TSPAN11: variants seen among roughly 807,000 people sequenced by gnomAD.
TSPAN11 encodes tetraspanin 11, also known as tetraspanin-11.
A neutral mutation model predicts 32.9 loss-of-function variants in TSPAN11; 29 were observed. The ratio of observed to expected loss-of-function variants is 0.88; its 90% CI spans 0.66 to 1.20. TSPAN11 has a LOEUF of 1.20. TSPAN11 is among the 50% of genes most tolerant of loss of function. The probability of loss-of-function intolerance (pLI) is 0.00; values close to 1 mark genes in which losing one functional copy is unlikely to be tolerated. For missense variants in TSPAN11, 283 were observed against 329.1 expected (o/e 0.86, Z 1.08); for synonymous variants, 140 against 141.3 (o/e 0.99, Z 0.07).
intron 7 of TSPAN11, among the ~76,000 whole-genome samples, chr12:30,989,532 C>T (rs971443415): frequency 2.6e-5 from 4 of 152,064 alleles, no homozygotes; most frequent in African/African-American, 4.8e-5. Flanking sequence ...GTGTACAGAC[C>T]GGATGTTTTC....
chr12:30,985,306 T>G (rs909138689), intron 7 of TSPAN11, among the ~76,000 whole-genome samples: 7 of 152,078 alleles, frequency 4.6e-5, no homozygotes, highest in African/African-American at 1.7e-4. Context: ...TGTAAGTCAC[T>G]TGGCTCATGG....
At chr12:31,001,906 A>G in the TSPAN11 span, among the ~76,000 whole-genome samples, 2 of 152,098 alleles carry the variant, frequency 1.3e-5, no homozygotes, top group Non-Finnish European at 2.9e-5. Flanking sequence ...GTGCTAAGAG[A>G]GAGGCCGATG....
At chr12:30,939,823 G>A (rs1322139626) in intron 1 of TSPAN11, among the ~76,000 whole-genome samples, 1 of 152,222 alleles carries the variant, frequency 6.6e-6, no homozygotes, top group Non-Finnish European at 1.5e-5. Flanking sequence ...CTCCTCTAAG[G>A]AAGGGCCCGA....
intron 3 of TSPAN11, among the ~76,000 whole-genome samples, chr12:30,969,621 C>A (rs1387957766): frequency 6.6e-6 from 1 of 152,180 alleles, no homozygotes; most frequent in African/African-American, 2.4e-5. Flanking sequence ...ACCTGATCAC[C>A]ACAATCCAGC....
intron 1 of TSPAN11, among the ~76,000 whole-genome samples, chr12:30,935,786 C>G (rs1205188826): frequency 2.0e-5 from 3 of 152,176 alleles, no homozygotes; most frequent in African/African-American, 7.2e-5. Context: ...CCTCCGCTCC[C>G]CTAGCTGGGT....
At chr12:30,997,903 G>A (rs1162398201), downstream of TSPAN11, among the ~76,000 whole-genome samples, 1 of 152,172 alleles carries the variant, frequency 6.6e-6, no homozygotes, top group Non-Finnish European at 1.5e-5. Flanking sequence ...CCACTTTGCA[G>A]GGGAGCTCCA....
chr12:30,928,166 T>A, intron 1 of TSPAN11, among the ~76,000 whole-genome samples: 1 of 152,176 alleles, frequency 6.6e-6, no homozygotes. Context: ...AGTTCTTGTG[T>A]GAGTGCTGCA....
At chr12:31,001,736 C>G in the TSPAN11 span, among the ~76,000 whole-genome samples, 10 of 152,204 alleles carry the variant, frequency 6.6e-5, no homozygotes, top group African/African-American at 1.9e-4. Flanking sequence ...TGAGGGGGCT[C>G]CCAGAGTCAT....
intron 1 of TSPAN11, 111 bp from the exon 2 acceptor site, chr12:30,953,870 A>G: frequency 1.4e-6 from 1 of 710,808 alleles, no homozygotes; most frequent in Non-Finnish European, 2.4e-6. Flanking sequence ...AGCCCCCGGC[A>G]GATAGGTTAA....
intron 7 of TSPAN11, among the ~76,000 whole-genome samples, chr12:30,984,552 C>CTTTTTTTTTTT (rs55772956): frequency 2.3e-4 from 16 of 68,574 alleles, no homozygotes; most frequent in African/African-American, 5.7e-4. Context: ...TCGCTTTTTG[C>CTTTTTTTTTTT]TTTTTTTTTT....
At chr12:30,927,132 G>A (rs1045435724) in intron 1 of TSPAN11, 2 of 858,144 alleles carry the variant, frequency 2.3e-6, no homozygotes, top group East Asian at 8.4e-5. Flanking sequence ...CAGCGTGCCC[G>A]GGGCATGTCT....
intron 2 of TSPAN11, among the ~76,000 whole-genome samples, chr12:30,961,010 G>A (rs1938600976): frequency 6.9e-6 from 1 of 145,672 alleles, no homozygotes; most frequent in Admixed American, 7.0e-5. Context: ...CTGTACTCCA[G>A]ACTAGGCGAC....
chr12:30,927,054 C>T lies in TSPAN11; in HGVS notation c.-12+258C>T, dbSNP rs575834041. ...GCAACACGGTGTCCATAACTATGCG[C>T]ATGAGTCTGCCTTTCTGCACTTGTG... On this transcript the variant is annotated intron_variant, in intron 1 of 7. Transcript: ENST00000546076. 8 of 1,270,192 alleles carry T rather than the reference C, an allele frequency of 6.3e-6. No homozygotes were observed. In the East Asian group the frequency reaches 4.5e-4, roughly 71 times the overall value. 78.7% of individuals were successfully genotyped at this position (1,270,192 alleles called of 1,614,324 possible).
At chr12:30,932,070 C>T (rs925358749) in intron 1 of TSPAN11, among the ~76,000 whole-genome samples, 8 of 151,074 alleles carry the variant, frequency 5.3e-5, no homozygotes, top group Non-Finnish European at 1.0e-4. Context: ...GAGACTCAAC[C>T]AGAGCCAGAT....
chr12:30,939,541 G>A (rs758109906), intron 1 of TSPAN11, among the ~76,000 whole-genome samples: 25 of 152,154 alleles, frequency 1.6e-4, no homozygotes, highest in Non-Finnish European at 3.1e-4. Context: ...CCACATGCAC[G>A]CACTCCATCT....
rs1272082721 is a variant in TSPAN11, at chr12:30,992,514, A to G, written c.*599A>G. ...AGGAGTGGGGAGGCCTGGGTAGGGC[A>G]GCCACAGGCTGGGTAGAGCCGCCCT... is the stretch of plus-strand genomic sequence containing the variant. On this transcript the variant is annotated 3_prime_UTR_variant, in exon 8 of 8. Transcript: ENST00000546076. 1 of 158,696 alleles carries G rather than the reference A, an allele frequency of 6.3e-6. No individual in the cohort carries two copies. The highest frequency in any genetic ancestry group is 2.4e-5 in the African/African-American group (1 of 41,602). The allele number at this position is 158,696 out of a possible 1,614,324, so 9.8% of individuals were successfully genotyped here.
At chr12:31,005,123 C>T in the TSPAN11 span, among the ~76,000 whole-genome samples, 2 of 152,178 alleles carry the variant, frequency 1.3e-5, no homozygotes, top group Admixed American at 1.3e-4. Flanking sequence ...TGTATTCCCA[C>T]AGGTCCCCCA....
intron 2 of TSPAN11, among the ~76,000 whole-genome samples, chr12:30,957,485 T>C (rs979493854): frequency 1.3e-5 from 2 of 152,152 alleles, no homozygotes; most frequent in African/African-American, 4.8e-5. Flanking sequence ...CCCAATTGGT[T>C]AAATGGGCAC....
downstream of TSPAN11, among the ~76,000 whole-genome samples, chr12:30,998,558 T>G (rs987853829): frequency 6.6e-6 from 1 of 152,194 alleles, no homozygotes; most frequent in Non-Finnish European, 1.5e-5. Context: ...TGTCTGGCAG[T>G]GGCTTGAGCA....
Sources: gnomAD v4.1 joint callset for allele counts (sites outside exome capture counted in the v4.1 genomes callset) on GRCh38, gnomAD v4.1.1 for gene constraint, MANE v1.5 for transcripts, NCBI Gene and HGNC (gene_info 2026-07-23, HGNC 2026-07-21) for gene names.